The following DLC1 variants were observed in gnomAD, a reference collection of about 807,000 sequenced individuals.
DLC1 encodes DLC1 Rho GTPase activating protein.
In DLC1, 54 loss-of-function variants were observed where a neutral mutation model predicts 140.3. That is an observed-to-expected ratio of 0.38 (90% confidence interval 0.31 to 0.48). The LOEUF is 0.48. Ranked by LOEUF, DLC1 falls within the 20% of genes least tolerant of loss-of-function variation. DLC1 has a pLI of 0.96. For missense variants in DLC1, 2,536 were observed against 1,907.0 expected (o/e 1.33, Z -6.14); for synonymous variants, 986 against 728.1 (o/e 1.35, Z -5.70).
intron 2 of DLC1, among the ~76,000 whole-genome samples, chr8:13,413,965 G>A (rs550534937): frequency 1.3e-5 from 2 of 152,194 alleles, no homozygotes; most frequent in East Asian, 3.9e-4. Flanking sequence ...ACATGTTACA[G>A]TTTGAAATTA....
At chr8:13,545,280 C>G (rs901005364) in intron 1 of DLC1, among the ~76,000 whole-genome samples, 1 of 150,370 alleles carries the variant, frequency 6.7e-6, no homozygotes, top group East Asian at 1.9e-4. Flanking sequence ...AGGGAGAGGT[C>G]TATAATGTAA....
At chr8:13,525,456 A>C (rs1802891572) in intron 1 of DLC1, among the ~76,000 whole-genome samples, 2 of 152,136 alleles carry the variant, frequency 1.3e-5, no homozygotes, top group South Asian at 4.1e-4. Flanking sequence ...ACCACCACCG[A>C]TTTCTAAGAA....
intron 5 of DLC1, among the ~76,000 whole-genome samples, chr8:13,172,450 A>G (rs1825537532): frequency 6.6e-6 from 1 of 152,220 alleles, no homozygotes; most frequent in African/African-American, 2.4e-5. Context: ...AAGTAGTAGG[A>G]TTTCATTAAG....
chr8:13,600,109 C>G (rs574455109), intron 1 of DLC1, among the ~76,000 whole-genome samples: 1 of 151,970 alleles, frequency 6.6e-6, no homozygotes, highest in East Asian at 1.9e-4. Context: ...ACATGGTCCC[C>G]TTCTTTTAGG....
chr8:13,572,496 A>G (rs1804697392), intron 1 of DLC1, among the ~76,000 whole-genome samples: 1 of 152,078 alleles, frequency 6.6e-6, no homozygotes, highest in Non-Finnish European at 1.5e-5. Flanking sequence ...CATAAAGTTC[A>G]GTTTTTCTAT....
chr8:13,099,610 G>A lies in DLC1; in HGVS notation c.2727C>T (p.Ile909=). 2 of 1,614,208 alleles carry A rather than the reference G, an allele frequency of 1.2e-6. No homozygotes were observed. Among genetic ancestry groups the A allele is most frequent in the Middle Eastern group, 1.6e-4 (1 of 6,062 alleles). Residue 909 remains isoleucine (I), a synonymous_variant, in exon 9 of 18, where the codon ATC becomes ATT. Transcript: ENST00000276297. ...NEDIFPELDD[I]LYHVKGMQRI... ...GCTGCATCCCCTTCACGTGGTAGAG[G>A]ATGTCGTCCAGCTCGGGGAAGATGT... is the stretch of plus-strand genomic sequence containing the variant.
intron 1 of DLC1, among the ~76,000 whole-genome samples, chr8:13,586,600 C>T (rs1362214315): frequency 7.7e-6 from 1 of 130,384 alleles, no homozygotes; most frequent in Non-Finnish European, 1.7e-5. Context: ...CACACACACA[C>T]ACACACACAC....
rs576888332 is a variant in DLC1, at chr8:13,583,840, T to A, written c.-126+20697A>T. On this transcript the variant is annotated intron_variant, in intron 1 of 1. Coordinates refer to the DLC1 transcript ENST00000631382. ...TCTTGAGTGTCCTTGGCTTTTTCAG[T>A]ACAGGCTCTCAGTAACCACCCACCC... The A allele has an allele frequency of 5.2e-5, 8 of 152,438 alleles. No individual in the cohort carries two copies. In the East Asian group the frequency reaches 1.4e-3, roughly 26 times the overall value. The allele number at this position is 152,438 out of a possible 1,614,324, so 9.4% of individuals were successfully genotyped here.
chr8:13,191,717 G>A (rs1826765387), intron 5 of DLC1, among the ~76,000 whole-genome samples: 1 of 151,928 alleles, frequency 6.6e-6, no homozygotes, highest in Non-Finnish European at 1.5e-5. Flanking sequence ...CAGGACTGAG[G>A]GTCAAAACCT....
intron 1 of DLC1, among the ~76,000 whole-genome samples, chr8:13,513,242 T>C (rs1585230791): frequency 6.6e-6 from 1 of 152,142 alleles, no homozygotes; most frequent in Admixed American, 6.5e-5. Context: ...CCATCTCTTA[T>C]GTTCTTTCCT....
chr8:13,397,260 C>G (rs1295522063), intron 3 of DLC1, among the ~76,000 whole-genome samples: 3 of 152,034 alleles, frequency 2.0e-5, no homozygotes, highest in Non-Finnish European at 4.4e-5. Context: ...GGAGAATATT[C>G]AAAGCCAGAT....
chr8:13,538,351 G>C (rs1803364618), intron 1 of DLC1, among the ~76,000 whole-genome samples: 1 of 150,608 alleles, frequency 6.6e-6, no homozygotes, highest in African/African-American at 2.5e-5. Flanking sequence ...CCAAAATAGT[G>C]GTGCCAGCAC....
chr8:13,108,170 G>A (rs2128944378), intron 7 of DLC1, among the ~76,000 whole-genome samples: 1 of 152,270 alleles, frequency 6.6e-6, no homozygotes, highest in East Asian at 1.9e-4. Flanking sequence ...CCATTTATGT[G>A]GACATGTGGA....
At position 13,100,506 on chromosome 8, in the gene DLC1, C is replaced by T. The variant is rs770155030; in HGVS notation, c.1831G>A (p.Glu611Lys). 3 of 1,612,386 alleles carry T rather than the reference C, an allele frequency of 1.9e-6. No individual in the cohort carries two copies. Among genetic ancestry groups the T allele is most frequent in the East Asian group, 2.2e-5 (1 of 44,864 alleles). Residue 611 changes from glutamate (E) to lysine (K), a missense_variant, in exon 9 of 18, where the codon GAG becomes AAG. Coordinates refer to ENST00000276297, the MANE Select transcript of DLC1 (RefSeq NM_182643.3). ...TTAGTCCGGGGGGTGGCAGCATCCT[C>T]GCTGGGGGGCGCGTGGCTGGGGAGG... is the stretch of plus-strand genomic sequence containing the variant. ...GSLPSHAPPSEDAATPRTNSV... is the reference protein window; with the variant it reads ...GSLPSHAPPSKDAATPRTNSV...
In DLC1 at chr8:13,100,402, T is replaced by C. The variant is rs1269389029; in HGVS notation, c.1935A>G (p.Glu645=). The part of the protein sequence containing the change: ...DSFGSLPSPK[E]LSSFSFSMKG... ...TCATGCTGAAGCTGAAGCTGGACAG[T>C]TCCTTGGGAGAGGGCAGGCTGCCGA... is the stretch of plus-strand genomic sequence containing the variant. Residue 645 remains glutamate (E), a synonymous_variant, in exon 9 of 18, where the codon GAA becomes GAG. Transcript: ENST00000276297. The C allele has an allele frequency of 6.2e-7, 1 of 1,614,142 alleles. No individual in the cohort carries two copies. Among genetic ancestry groups the C allele is most frequent in the South Asian group, 1.1e-5 (1 of 91,086 alleles).
At chr8:13,580,417 G>A (rs1416097223) in intron 1 of DLC1, among the ~76,000 whole-genome samples, 3 of 152,156 alleles carry the variant, frequency 2.0e-5, no homozygotes, top group Non-Finnish European at 4.4e-5. Context: ...CACCGCGCCC[G>A]GCAGGTTGGT....
intron 12 of DLC1, 23 bp from the exon 13 acceptor site, chr8:13,092,848 C>A (rs757204736): frequency 6.2e-7 from 1 of 1,602,464 alleles, no homozygotes; most frequent in Non-Finnish European, 8.5e-7. Context: ...AGCACTTTCT[C>A]CATCAGCTTG....
intron 4 of DLC1, among the ~76,000 whole-genome samples, chr8:13,371,488 A>G (rs996275938): frequency 6.6e-6 from 1 of 152,040 alleles, no homozygotes; most frequent in African/African-American, 2.4e-5. Flanking sequence ...TCAGCTCTGA[A>G]CATGTAAGTC....
chr8:13,397,836 A>G (rs1837116813), intron 3 of DLC1, among the ~76,000 whole-genome samples: 1 of 152,012 alleles, frequency 6.6e-6, no homozygotes, highest in Non-Finnish European at 1.5e-5. Flanking sequence ...ATGCAAATTA[A>G]AAGAACAAGA....
Sources: gnomAD v4.1 joint callset for allele counts (sites outside exome capture counted in the v4.1 genomes callset) on GRCh38, gnomAD v4.1.1 for gene constraint, MANE v1.5 for transcripts, NCBI Gene and HGNC (gene_info 2026-07-23, HGNC 2026-07-21) for gene names.